AOX1: variants seen among roughly 807,000 people sequenced by gnomAD.
The protein encoded by AOX1 is aldehyde oxidase.
AOX1 carries 153 observed loss-of-function variants against 169.5 expected under a neutral mutation model. The observed-to-expected ratio is 0.90, with a 90% confidence interval of 0.79 to 1.03. The LOEUF (loss-of-function observed/expected upper bound fraction) is 1.03. Among genes scored for constraint, AOX1 ranks in the 50% least tolerant of loss-of-function variants. The pLI, the probability that AOX1 is intolerant of heterozygous loss-of-function variation, is 0.00. For synonymous variants in AOX1, 562 were observed against 581.9 expected (o/e 0.97, Z 0.49); for missense variants, 1,656 against 1,663.9 (o/e 1.00, Z 0.08).
At chr2:200,624,110 C>A in intron 19 of AOX1, 127 bp downstream of exon 19, 1 of 1,112,772 alleles carries the variant, frequency 9.0e-7, no homozygotes, top group Non-Finnish European at 1.3e-6. Context: ...ACTTTATTAA[C>A]CTCTAACCAG....
rs117874037 is a variant in AOX1, at chr2:200,665,175, T to C, written c.3544-1512T>C. 3.0e-3 allele frequency among the ~76,000 whole-genome samples: 450 copies of C among 152,318 alleles called. 2 individuals are homozygous for C. The highest frequency in any genetic ancestry group is 0.019 in the East Asian group (97 of 5,182). ...GCCCAAGAGAAAAAGAGAGAGCATGTGCAAGCGAGAGAGTACCCGAGACAG... is the reference window on the plus strand; with the variant it reads ...GCCCAAGAGAAAAAGAGAGAGCATGCGCAAGCGAGAGAGTACCCGAGACAG... On this transcript the variant is annotated intron_variant, in intron 31 of 34. Coordinates refer to ENST00000374700, the MANE Select transcript of AOX1 (RefSeq NM_001159.4).
At chr2:200,617,896 C>A (rs1448471808) in intron 16 of AOX1, among the ~76,000 whole-genome samples, 2 of 152,072 alleles carry the variant, frequency 1.3e-5, no homozygotes, top group Non-Finnish European at 2.9e-5. Context: ...ATATGAAAAA[C>A]CACACCTGGT....
In AOX1 at chr2:200,621,225, G is replaced by A. The variant is rs781545157; in HGVS notation, c.1980G>A (p.Glu660=). The change falls in exon 18 of 35, where the codon GAG becomes GAA. Residue 660 remains glutamate, a synonymous_variant. Coordinates refer to ENST00000374700, the MANE Select transcript of AOX1 (RefSeq NM_001159.4). ...VNSFCFFTEA[E]KFLATDKVFC... ...CCTTCTGCTTTTTTACTGAAGCTGA[G>A]AAATTTCTGGCGACAGATAAGGTAC... The A allele has an allele frequency of 2.5e-6, 4 of 1,613,870 alleles. No individual in the cohort carries two copies. The highest frequency in any genetic ancestry group is 3.3e-5 in the Admixed American group (2 of 59,928).
downstream of AOX1, among the ~76,000 whole-genome samples, chr2:200,675,226 C>T (rs1474878454): frequency 6.6e-6 from 1 of 152,122 alleles, no homozygotes; most frequent in Non-Finnish European, 1.5e-5. Flanking sequence ...TTCATACTGG[C>T]AGAGGATAGC....
rs182192533 is a variant in AOX1, at chr2:200,628,519, A to G, written c.2221+1070A>G. On this transcript the variant is annotated intron_variant, in intron 20 of 34. Coordinates refer to ENST00000374700, the MANE Select transcript of AOX1 (RefSeq NM_001159.4). ...CTCACAAGATCTCTGATTTACAGAC[A>G]TGCTATTGGGTGGGTATGGGCAGTC... 1.5e-3 allele frequency among the ~76,000 whole-genome samples: 224 copies of G among 152,274 alleles called. 2 individuals are homozygous for G. The highest frequency in any genetic ancestry group is 0.01 in the Middle Eastern group (3 of 294).
chr2:200,658,233 C>T (rs2035733664), intron 27 of AOX1, among the ~76,000 whole-genome samples: 2 of 152,104 alleles, frequency 1.3e-5, no homozygotes, highest in South Asian at 4.1e-4. Context: ...CTCATGACAC[C>T]CCTAACCAAC....
chr2:200,629,698 G>C (rs2035075441), intron 20 of AOX1, among the ~76,000 whole-genome samples: 1 of 152,182 alleles, frequency 6.6e-6, no homozygotes, highest in Non-Finnish European at 1.5e-5. Context: ...CTATCATAGA[G>C]CGTTCCCGGC....
At chr2:200,630,663 A>G (rs939677100) in intron 20 of AOX1, among the ~76,000 whole-genome samples, 3 of 151,626 alleles carry the variant, frequency 2.0e-5, no homozygotes, top group African/African-American at 7.3e-5. Context: ...AAGAAAACCA[A>G]TTTTCATCCT....
Position 200,595,237 on chromosome 2 carries a change from A to G in AOX1, c.104-35A>G, listed in dbSNP as rs775743737. ...AGGGCTATTCTAGAAAGAGAATTAC[A>G]TAACACATATGATCTTTAACTATAC... is the stretch of plus-strand genomic sequence containing the variant. On this transcript the variant is annotated intron_variant, in intron 2 of 34. Coordinates refer to ENST00000374700, the MANE Select transcript of AOX1 (RefSeq NM_001159.4). 2.6e-6 allele frequency: 4 copies of G among 1,549,952 alleles called. No homozygotes were observed. In the Admixed American group the frequency reaches 6.8e-5, roughly 26 times the overall value.
At chr2:200,662,998 T>C in intron 31 of AOX1, 29 bp downstream of exon 31, 1 of 1,581,946 alleles carries the variant, frequency 6.3e-7, no homozygotes, top group Non-Finnish European at 8.7e-7. Context: ...GGTCTTCAAG[T>C]TGCACTTAGG....
chr2:200,628,301 A>G (rs1411040162), intron 20 of AOX1, among the ~76,000 whole-genome samples: 1 of 152,254 alleles, frequency 6.6e-6, no homozygotes, highest in Non-Finnish European at 1.5e-5. Flanking sequence ...GTTGTCTAAC[A>G]TAAACATAGT....
chr2:200,663,732 T>C (rs1194052719), intron 31 of AOX1, among the ~76,000 whole-genome samples: 2 of 152,200 alleles, frequency 1.3e-5, no homozygotes, highest in Non-Finnish European at 2.9e-5. Context: ...TAAATGGGAC[T>C]GTGATACCCT....
At chr2:200,667,910 G>A (rs1284883447) in intron 32 of AOX1, among the ~76,000 whole-genome samples, 3 of 152,036 alleles carry the variant, frequency 2.0e-5, no homozygotes, top group Non-Finnish European at 4.4e-5. Context: ...GCATTCACTA[G>A]CACCCTGGGG....
intron 8 of AOX1, 101 bp from the exon 9 acceptor site, chr2:200,604,595 T>C (rs2034476989): frequency 8.1e-7 from 1 of 1,233,038 alleles, no homozygotes; most frequent in African/African-American, 1.5e-5. Context: ...TTTTAGAAGA[T>C]ATGTATTTTC....
At chr2:200,664,226 G>A (rs1333917690) in intron 31 of AOX1, among the ~76,000 whole-genome samples, 2 of 152,230 alleles carry the variant, frequency 1.3e-5, no homozygotes, top group Non-Finnish European at 2.9e-5. Flanking sequence ...CTGGGTTTAA[G>A]TGATTCTTGT....
chr2:200,604,072 A>T lies in AOX1; in HGVS notation c.644A>T (p.Glu215Val). Residue 215 changes from glutamate (E) to valine (V), a missense_variant, in exon 8 of 35, where the codon GAA (glutamate) becomes GTA (valine). By Grantham distance (121) the Glu-to-Val change is moderately radical. Transcript: ENST00000374700. ...EEFLPLDPTQ[E>V]LIFPPELMIM... ...TTTCTGCCATTGGATCCAACCCAGG[A>T]ACTGATATTTCCTCCTGAGCTAATG... The T allele has an allele frequency of 6.2e-7, 1 of 1,613,122 alleles. No homozygotes were observed. The highest frequency in any genetic ancestry group is 8.5e-7 in the Non-Finnish European group (1 of 1,179,088).
intron 25 of AOX1, among the ~76,000 whole-genome samples, chr2:200,647,164 A>G (rs966128518): frequency 6.6e-6 from 1 of 151,900 alleles, no homozygotes; most frequent in Non-Finnish European, 1.5e-5. Context: ...TTTAACATGT[A>G]TTTATGTTTT....
At chr2:200,673,545 CCT>C (rs1047735554), downstream of AOX1, among the ~76,000 whole-genome samples, 4 of 152,196 alleles carry the variant, frequency 2.6e-5, no homozygotes, top group African/African-American at 9.6e-5. Flanking sequence ...TCATTTCTCC[CCT>C]GACTATTGCA....
chr2:200,657,048 G>A (rs2035702659), intron 27 of AOX1, 111 bp downstream of exon 27: 1 of 681,696 alleles, frequency 1.5e-6, no homozygotes. Flanking sequence ...AGGAAGCTGG[G>A]TGAGGTGGCT....
Sources: allele counts gnomAD v4.1 joint callset (sites outside exome capture counted in the v4.1 genomes callset), GRCh38; gene constraint gnomAD v4.1.1; transcripts MANE v1.5; gene names NCBI Gene and HGNC (gene_info 2026-07-23, HGNC 2026-07-21).